Variants in PDE3A observed in about 807,000 individuals in gnomAD.
PDE3A encodes the protein cGMP-inhibited 3',5'-cyclic phosphodiesterase 3A.
Under a neutral mutation model 98.3 loss-of-function variants are expected in PDE3A, and 43 were observed. The ratio of observed to expected loss-of-function variants is 0.44; its 90% CI spans 0.34 to 0.56. The LOEUF (loss-of-function observed/expected upper bound fraction) is 0.56, where lower values mean the gene tolerates loss of function less well. Among genes scored for constraint, PDE3A ranks in the 20% least tolerant of loss-of-function variants. The pLI is 0.01. For missense variants in PDE3A, 1,427 were observed against 1,440.7 expected, an observed-to-expected ratio of 0.99 and a Z score of 0.15; for synonymous variants, 663 against 567.9, an observed-to-expected ratio of 1.17 and a Z score of -2.38.
At chr12:20,614,730 C>T (rs895110984) in intron 3 of PDE3A, among the ~76,000 whole-genome samples, 3 of 152,058 alleles carry the variant, frequency 2.0e-5, no homozygotes, top group African/African-American at 7.2e-5. Flanking sequence ...ACTGAATTAC[C>T]TTCTAAGATG....
chr12:20,599,511 G>A (rs1271706339), intron 2 of PDE3A, among the ~76,000 whole-genome samples: 1 of 151,896 alleles, frequency 6.6e-6, no homozygotes, highest in African/African-American at 2.4e-5. Context: ...CCCAATTCAC[G>A]GTGTAATTCA....
At chr12:20,669,808 C>T (rs1283245613) in intron 15 of PDE3A, among the ~76,000 whole-genome samples, 1 of 151,082 alleles carries the variant, frequency 6.6e-6, no homozygotes, top group Non-Finnish European at 1.5e-5. Context: ...GCAAAATAAC[C>T]AGCTAACATC....
intron 1 of PDE3A, among the ~76,000 whole-genome samples, chr12:20,523,970 A>G (rs1018921759): frequency 1.3e-5 from 2 of 152,168 alleles, no homozygotes; most frequent in African/African-American, 4.8e-5. Flanking sequence ...AGGTATTTTC[A>G]TATATTTAAC....
chr12:20,626,248 T>C (rs888262406), intron 5 of PDE3A, among the ~76,000 whole-genome samples: 2 of 147,748 alleles, frequency 1.4e-5, no homozygotes, highest in African/African-American at 5.4e-5. Flanking sequence ...TTGGTTATTA[T>C]CTGCATTTAT....
chr12:20,444,657 T>C (rs1214014603), intron 1 of PDE3A, among the ~76,000 whole-genome samples: 1 of 152,108 alleles, frequency 6.6e-6, no homozygotes, highest in Non-Finnish European at 1.5e-5. Flanking sequence ...GAAATAAAAG[T>C]GTTAATTCTC....
chr12:20,545,059 T>G (rs1189104299), intron 1 of PDE3A, among the ~76,000 whole-genome samples: 1 of 152,082 alleles, frequency 6.6e-6, no homozygotes, highest in Non-Finnish European at 1.5e-5. Flanking sequence ...CAGGAAAACT[T>G]AAGCATGAGA....
At chr12:20,668,528 T>C (rs1330895799) in intron 15 of PDE3A, among the ~76,000 whole-genome samples, 1 of 152,202 alleles carries the variant, frequency 6.6e-6, no homozygotes, top group Non-Finnish European at 1.5e-5. Flanking sequence ...CCTCCTCAAG[T>C]GGGTCCCTGA....
At position 20,513,705 on chromosome 12, in the gene PDE3A, A is replaced by G. The variant is rs114322984; in HGVS notation, c.961-42955A>G. On this transcript the variant is annotated intron_variant, in intron 1 of 15. Transcript: ENST00000359062. The stretch of plus-strand genomic sequence containing the variant: ...TGTTAGGAGATTGTGTTGATATGTT[A>G]TATTAAACTGTAAGGACCACACAAG... 4.6e-3 allele frequency among the ~76,000 whole-genome samples: 697 copies of G among 152,266 alleles called. 6 individuals carry two copies. The highest frequency in any genetic ancestry group is 0.016 in the African/African-American group (673 of 41,546).
At chr12:20,510,857 T>G (rs10841558) in intron 1 of PDE3A, among the ~76,000 whole-genome samples, 42,835 of 151,926 alleles carry the variant, frequency 0.28, 7,125 homozygotes, top group East Asian at 0.6. Context: ...TACATGTTAT[T>G]TATATGTCTT....
Position 20,552,556 on chromosome 12 carries a change from G to A in PDE3A, c.961-4104G>A, listed in dbSNP as rs563635887. 1.9e-6 allele frequency: 3 copies of A among 1,613,672 alleles called. No individual in the cohort carries two copies. Among genetic ancestry groups the A allele is most frequent in the African/African-American group, 2.7e-5 (2 of 75,028 alleles). ...GGGGGGCTTCGCGTCCCCCAGGACG[G>A]GCAAGGGCAAGTGGAAGCGGAAGTC... On this transcript the variant is annotated intron_variant, in intron 1 of 15. Transcript: ENST00000359062. The surrounding 1 kb of genome is among the most constrained non-coding windows in gnomAD (Gnocchi z 5.1).
At chr12:20,469,221 A>G (rs552409446) in intron 1 of PDE3A, among the ~76,000 whole-genome samples, 1 of 152,232 alleles carries the variant, frequency 6.6e-6, no homozygotes, top group Admixed American at 6.5e-5. Context: ...TCTTTAACAC[A>G]GAATGACTGA....
intron 1 of PDE3A, among the ~76,000 whole-genome samples, chr12:20,502,679 A>G (rs1218442489): frequency 6.6e-6 from 1 of 152,198 alleles, no homozygotes; most frequent in South Asian, 2.1e-4. Flanking sequence ...AACATCATCC[A>G]ATCTAACCTT....
rs570091979 is a variant in PDE3A at position 20,653,875 on chromosome 12, G to A, written c.2926-72G>A. The A allele has an allele frequency of 1.5e-5, 23 of 1,505,006 alleles. No individual in the cohort carries two copies. In the African/African-American group the frequency reaches 3.0e-4, roughly 20 times the overall value. The allele number at this position is 1,505,006 out of a possible 1,614,324, so 93.2% of individuals were successfully genotyped here. On this transcript the variant is annotated intron_variant, in intron 14 of 15. Coordinates refer to ENST00000359062, the MANE Select transcript of PDE3A (RefSeq NM_000921.5). ...CAAGTAAAGAAGTTTGTGCATTAAT[G>A]CCTGGGGTTTTACATATTTACAAAT...
Position 20,685,996 on chromosome 12 carries a change from A to G in PDE3A, c.*5725A>G, listed in dbSNP as rs1945950496. On this transcript the variant is annotated 3_prime_UTR_variant, in exon 16 of 16. Coordinates refer to ENST00000359062, the MANE Select transcript of PDE3A (RefSeq NM_000921.5). ...TTTTTAATTTTTAACTTAAAATGAAACCCACAAAATGACATTCCGTGGTAC... is the reference window on the plus strand; with the variant it reads ...TTTTTAATTTTTAACTTAAAATGAAGCCCACAAAATGACATTCCGTGGTAC... Among the ~76,000 whole-genome samples, 1 of 152,182 alleles carries G rather than the reference A, an allele frequency of 6.6e-6. No individual in the cohort carries two copies.
chr12:20,618,346 CT>C (rs869243802), intron 4 of PDE3A, among the ~76,000 whole-genome samples: 1 of 141,008 alleles, frequency 7.1e-6, no homozygotes, highest in Non-Finnish European at 1.6e-5. Context: ...CCTTTTAGCC[CT>C]TTTATTTATT....
intron 2 of PDE3A, among the ~76,000 whole-genome samples, chr12:20,568,716 A>G (rs1296197628): frequency 6.6e-6 from 1 of 152,020 alleles, no homozygotes; most frequent in Non-Finnish European, 1.5e-5. Context: ...TAGCTATACG[A>G]CTGCTTAGAA....
At position 20,680,199 on chromosome 12, in the gene PDE3A, T is replaced by C. The variant is rs376446294; in HGVS notation, c.3354T>C (p.Ala1118=). The change falls in exon 16 of 16, where the codon GCT becomes GCC. Residue 1118 remains alanine, a synonymous_variant. Transcript: ENST00000359062. ...PQSHSSEQIQ[A]IKEEEEEKGK... ...CGCACTCTTCAGAACAGATCCAGGC[T>C]ATCAAGGAAGAAGAAGAAGAGAAAG... The C allele has an allele frequency of 5.0e-6, 8 of 1,613,788 alleles. No homozygotes were observed. The South Asian group carries it at 7.7e-5, about 16-fold the overall frequency.
chr12:20,660,947 G>A (rs865945352), intron 15 of PDE3A, among the ~76,000 whole-genome samples: 6 of 151,730 alleles, frequency 4.0e-5, no homozygotes, highest in East Asian at 2.0e-4. Flanking sequence ...ACAGGAAGAG[G>A]TTGGAACAGT....
At chr12:20,582,444 T>A (rs2121347613) in intron 2 of PDE3A, among the ~76,000 whole-genome samples, 1 of 152,258 alleles carries the variant, frequency 6.6e-6, no homozygotes, top group Admixed American at 6.5e-5. Context: ...CCTGCCCGCC[T>A]CAGCCTTCCA....
Sources: gnomAD v4.1 joint callset for allele counts (sites outside exome capture counted in the v4.1 genomes callset) on GRCh38, gnomAD v4.1.1 for gene constraint, Gnocchi (gnomAD v3.1) non-coding constraint, MANE v1.5 for transcripts, NCBI Gene and HGNC (gene_info 2026-07-23, HGNC 2026-07-21) for gene names.